CEMIP2: variants seen among roughly 807,000 people sequenced by gnomAD.
The protein encoded by CEMIP2 is cell surface hyaluronidase CEMIP2.
A neutral mutation model predicts 146.9 loss-of-function variants in CEMIP2; 79 were observed. The ratio of observed to expected loss-of-function variants is 0.54; its 90% confidence interval spans 0.45 to 0.65. The LOEUF (loss-of-function observed/expected upper bound fraction) is 0.65. CEMIP2 is among the 30% of genes least tolerant of loss of function. The probability of loss-of-function intolerance (pLI) is 0.00; values close to 1 mark genes in which losing one functional copy is unlikely to be tolerated. For missense variants in CEMIP2, 1,596 were observed against 1,696.2 expected (o/e 0.94, Z 1.04); for synonymous variants, 601 against 606.3 (o/e 0.99, Z 0.13).
rs187097830 is a variant in CEMIP2, at chr9:71,690,787, G to A, written c.3697-541C>T. Among the ~76,000 whole-genome samples, 753 of 152,208 alleles carry A rather than the reference G, an allele frequency of 4.9e-3. 3 individuals are homozygous for A. Among genetic ancestry groups the A allele is most frequent in the Non-Finnish European group, 7.1e-3 (484 of 68,014 alleles). ...AAAATGACAAAGTGATAATTTTACC[G>A]GAATTTAAGCTACAAAGTACTACTA... On this transcript the variant is annotated intron_variant, in intron 21 of 23. Coordinates refer to ENST00000377044, the MANE Select transcript of CEMIP2 (RefSeq NM_013390.3).
Position 71,709,474 on chromosome 9 carries a change from C to T in CEMIP2, c.2770G>A (p.Val924Ile), listed in dbSNP as rs759238406. 1 of 1,613,932 alleles carries T rather than the reference C, an allele frequency of 6.2e-7. No individual in the cohort carries two copies. The highest frequency in any genetic ancestry group is 8.5e-7 in the Non-Finnish European group (1 of 1,179,888). ...TTTCCAAAAAAGACATTCAGAGAGA[C>T]CTGACCACAGTGAAAAAGAAAGACA... The part of the protein sequence containing the change: ...NISLVKFGPH[V>I]SLNVFFGKPG... Residue 924 changes from valine (V) to isoleucine (I), a missense_variant and splice_region_variant, in exon 17 of 24, where the codon GTC (valine) becomes ATC (isoleucine). Val to Ile is a conservative substitution (Grantham distance 29). Transcript: ENST00000377044.
intron 4 of CEMIP2, among the ~76,000 whole-genome samples, chr9:71,743,394 T>G (rs62549283): frequency 2.6e-5 from 4 of 152,176 alleles, no homozygotes. Context: ...ATTGTTATTT[T>G]TGGCACTTTT....
chr9:71,716,404 AT>A (rs982966352), intron 14 of CEMIP2, 112 bp downstream of exon 14: 88 of 931,744 alleles, frequency 9.4e-5, no homozygotes, highest in African/African-American at 2.6e-4. Flanking sequence ...GAGGTTGCTA[AT>A]TTTTTTTATG....
intron 19 of CEMIP2, among the ~76,000 whole-genome samples, chr9:71,699,658 C>A (rs1822502845): frequency 6.6e-6 from 1 of 152,158 alleles, no homozygotes; most frequent in Non-Finnish European, 1.5e-5. Context: ...CCCTTCTCCC[C>A]ACTCTGAACT....
chr9:71,696,882 T>C lies in CEMIP2; in HGVS notation c.3597+1103A>G, dbSNP rs573511150. ...TACTGCCATGAATGGATATAAATAA[T>C]GAAAAAAAAAAGAGAGAGAAATATG... On this transcript the variant is annotated intron_variant, in intron 20 of 23. Transcript: ENST00000377044. Among the ~76,000 whole-genome samples, 28 of 128,544 alleles carry C rather than the reference T, an allele frequency of 2.2e-4. No homozygotes were observed. In the East Asian group the frequency reaches 6.0e-3, roughly 28 times the overall value. The allele number at this position is 128,544 out of a possible 152,430, so 84.3% of individuals were successfully genotyped here.
intron 2 of CEMIP2, among the ~76,000 whole-genome samples, chr9:71,747,181 G>A (rs1015522299): frequency 3.3e-5 from 5 of 151,996 alleles, no homozygotes; most frequent in Non-Finnish European, 5.9e-5. Flanking sequence ...AAAAAATCAC[G>A]CCTTCAATTT....
At chr9:71,698,231 T>A in intron 19 of CEMIP2, 27 bp from the exon 20 acceptor site, 1 of 1,594,280 alleles carries the variant, frequency 6.3e-7, no homozygotes, top group Non-Finnish European at 8.6e-7. Context: ...CCAATCCATG[T>A]AGTTAGACTT....
At chr9:71,714,882 G>A (rs1180005664) in intron 15 of CEMIP2, 52 bp downstream of exon 15, 1 of 1,579,446 alleles carries the variant, frequency 6.3e-7, no homozygotes, top group African/African-American at 1.4e-5. Flanking sequence ...CTGAGGGTTA[G>A]GTTTTCCTTT....
chr9:71,748,437 G>A (rs188556199), intron 2 of CEMIP2, among the ~76,000 whole-genome samples: 7 of 152,224 alleles, frequency 4.6e-5, no homozygotes, highest in Non-Finnish European at 1.0e-4. Flanking sequence ...CTGATGATCT[G>A]CACTTTACAC....
rs551935668 is a variant in CEMIP2 at position 71,738,511 on chromosome 9, T to C, written c.1204+1552A>G. On this transcript the variant is annotated intron_variant, in intron 5 of 23. Transcript: ENST00000377044. ...GCCTGGGCGACAGAACAAGACTCCA[T>C]CTCAAAAAAAAACAAAAATTCAGTA... 7.6e-4 allele frequency among the ~76,000 whole-genome samples: 91 copies of C among 120,022 alleles called. No individual in the cohort carries two copies. In the Middle Eastern group the frequency reaches 0.016, roughly 21 times the overall value. 78.7% of individuals were successfully genotyped at this position (120,022 alleles called of 152,430 possible).
At chr9:71,748,594 T>C (rs943564248) in intron 2 of CEMIP2, among the ~76,000 whole-genome samples, 2 of 152,142 alleles carry the variant, frequency 1.3e-5, no homozygotes, top group Admixed American at 1.3e-4. Flanking sequence ...GCAGAAGAGT[T>C]GGGAAGTATG....
chr9:71,716,290 A>G (rs967288543), intron 14 of CEMIP2, among the ~76,000 whole-genome samples: 32 of 152,088 alleles, frequency 2.1e-4, no homozygotes, highest in African/African-American at 7.7e-4. Flanking sequence ...AGCAGAAATT[A>G]TCCTTCTGTG....
chr9:71,716,425 A>T lies in CEMIP2; in HGVS notation c.2435+92T>A. The T allele has an allele frequency of 4.6e-6, 5 of 1,088,660 alleles. No homozygotes were observed. The East Asian group carries it at 1.3e-4, about 28-fold the overall frequency. The allele number at this position is 1,088,660 out of a possible 1,614,324, so 67.4% of individuals were successfully genotyped here. The stretch of plus-strand genomic sequence containing the variant: ...GCTAATTTTTTTTATGTTAAAAAAA[A>T]TAATAAAACATTCCTGTGTATTATC... On this transcript the variant is annotated intron_variant, in intron 14 of 23. Transcript: ENST00000377044.
intron 9 of CEMIP2, 54 bp downstream of exon 9, chr9:71,729,994 C>G: frequency 6.2e-7 from 1 of 1,612,904 alleles, no homozygotes; most frequent in Non-Finnish European, 8.5e-7. Context: ...AAAACCTCTT[C>G]CCCAAAAGTC....
At chr9:71,741,163 G>C (rs1823902388) in intron 4 of CEMIP2, among the ~76,000 whole-genome samples, 1 of 150,024 alleles carries the variant, frequency 6.7e-6, no homozygotes, top group Non-Finnish European at 1.5e-5. Context: ...AGGTGTGCAG[G>C]CAAGGTTGAG....
rs761480861 is a variant in CEMIP2 at position 71,730,722 on chromosome 9, C to T, written c.1756G>A (p.Gly586Arg). ...HSFSRCITVH[G>R]TNGLLIKDTI... ...CTACTTACTAGCAAGCCATTTGTCC[C>T]ATGCACAGTGATGCACCTTGAGAAG... The change falls in exon 8 of 24, where the codon GGG becomes AGG. Residue 586 changes from glycine (G) to arginine (R), a missense_variant. By Grantham distance (125) the Gly-to-Arg change is moderately radical (BLOSUM62 -2). Transcript: ENST00000377044. 5 of 1,614,142 alleles carry T rather than the reference C, an allele frequency of 3.1e-6. No individual in the cohort carries two copies. The Admixed American group carries it at 8.3e-5, about 27-fold the overall frequency.
At chr9:71,703,187 T>C (rs533199048) in intron 18 of CEMIP2, among the ~76,000 whole-genome samples, 1 of 152,082 alleles carries the variant, frequency 6.6e-6, no homozygotes, top group South Asian at 2.1e-4. Flanking sequence ...ACAAACACTG[T>C]GGGTAGAAAG....
intron 21 of CEMIP2, among the ~76,000 whole-genome samples, chr9:71,694,286 C>T (rs368625027): frequency 3.4e-4 from 52 of 152,074 alleles, no homozygotes; most frequent in Admixed American, 9.8e-4. Flanking sequence ...GCCTCTACGC[C>T]CAGCTAATTT....
At chr9:71,705,757 TTA>T (rs1452365683) in intron 17 of CEMIP2, among the ~76,000 whole-genome samples, 1 of 149,986 alleles carries the variant, frequency 6.7e-6, no homozygotes, top group East Asian at 1.9e-4. Flanking sequence ...TAACATATAT[TTA>T]TATATATTTA....
Sources: allele counts gnomAD v4.1 joint callset (sites outside exome capture counted in the v4.1 genomes callset), GRCh38; gene constraint gnomAD v4.1.1; transcripts MANE v1.5; gene names NCBI Gene and HGNC (gene_info 2026-07-23, HGNC 2026-07-21).